UBN2: variants seen among roughly 807,000 people sequenced by gnomAD.
The protein encoded by UBN2 is ubinuclein 2, also known as ubinuclein-2.
UBN2 carries 35 observed loss-of-function variants against 120.2 expected under a neutral mutation model. The observed-to-expected ratio is 0.29, with a 90% CI of 0.22 to 0.39. The LOEUF (loss-of-function observed/expected upper bound fraction) is 0.39, where lower values mean the gene tolerates loss of function less well. UBN2 is among the 10% of genes least tolerant of loss of function. The probability of loss-of-function intolerance (pLI) is 1.00; values close to 1 mark genes in which losing one functional copy is unlikely to be tolerated. For missense variants in UBN2, 1,693 were observed against 1,663.2 expected (o/e 1.02, Z -0.31); for synonymous variants, 661 against 648.7 (o/e 1.02, Z -0.29).
At position 139,261,570 on chromosome 7, in the gene UBN2, C is replaced by T. The variant is rs377072849; in HGVS notation, c.1224C>T (p.Phe408=). 1.6e-4 allele frequency: 266 copies of T among 1,614,132 alleles called. No homozygotes were observed. The African/African-American group carries it at 2.7e-3, about 17-fold the overall frequency. Residue 408 remains phenylalanine, a synonymous_variant, in exon 6 of 18, where the codon TTC becomes TTT. Transcript: ENST00000473989. Reference sequence around the variant, plus strand: ...TAGAGATGCTAGATGATTTTGACTTCGACAGATTACTGGATGCTGCTTCTG... The same window carrying T: ...TAGAGATGCTAGATGATTTTGACTTTGACAGATTACTGGATGCTGCTTCTG... ...NALEMLDDFD[F]DRLLDAASDG... is the part of the protein sequence containing the mutation.
rs949328348 is a variant in UBN2, at chr7:139,231,968, C to A, written c.468+16C>A. ...AGAACAACGGGTACAGAAGATTCTTCCCTCCTGCCCCAGACCCCGGGAGCC... is the reference window on the plus strand; with the variant it reads ...AGAACAACGGGTACAGAAGATTCTTACCTCCTGCCCCAGACCCCGGGAGCC... On this transcript the variant is annotated intron_variant, in intron 1 of 17. Coordinates refer to ENST00000473989, the MANE Select transcript of UBN2 (RefSeq NM_173569.4). 1.3e-6 allele frequency: 2 copies of A among 1,570,730 alleles called. No homozygotes were observed. Among genetic ancestry groups the A allele is most frequent in the East Asian group, 2.5e-5 (1 of 40,248 alleles).
chr7:139,317,779 C>T, the UBN2 span, among the ~76,000 whole-genome samples: 1 of 152,108 alleles, frequency 6.6e-6, no homozygotes, highest in Non-Finnish European at 1.5e-5. Context: ...TCTCCTGCCT[C>T]AGCCTCCCAA....
chr7:139,307,681 T>G lies in UBN2; in HGVS notation c.*9845T>G, dbSNP rs1001873546. 2 of 152,134 alleles carry G rather than the reference T, an allele frequency of 1.3e-5. No individual in the cohort carries two copies. The highest frequency in any genetic ancestry group is 2.9e-5 in the Non-Finnish European group (2 of 68,034). 9.4% of individuals were successfully genotyped at this position (152,134 alleles called of 1,614,324 possible). On this transcript the variant is annotated 3_prime_UTR_variant, in exon 18 of 18. Coordinates refer to ENST00000473989, the MANE Select transcript of UBN2 (RefSeq NM_173569.4). Reference sequence around the variant, plus strand: ...ACTGAGCCGAGGTATTTCCATTTGGTTAACTAAACGCTAGCTACCAGGAAA... The same window carrying G: ...ACTGAGCCGAGGTATTTCCATTTGGGTAACTAAACGCTAGCTACCAGGAAA...
Position 139,305,915 on chromosome 7 carries a change from C to A in UBN2, c.*8079C>A, listed in dbSNP as rs189024371. On this transcript the variant is annotated 3_prime_UTR_variant, in exon 18 of 18. Transcript: ENST00000473989. ...GTCTGCCTTGCTTATTTTCATACTC[C>A]CCCTGAAATAAGCCTACTTTTGCAA... is the stretch of plus-strand genomic sequence containing the variant. The A allele has an allele frequency of 3.3e-5, 5 of 152,196 alleles. No individual in the cohort carries two copies. Among genetic ancestry groups the A allele is most frequent in the African/African-American group, 1.2e-4 (5 of 41,524 alleles). 9.4% of individuals were successfully genotyped at this position (152,196 alleles called of 1,614,324 possible).
intron 6 of UBN2, among the ~76,000 whole-genome samples, chr7:139,264,778 C>T (rs1423760272): frequency 1.3e-5 from 2 of 152,036 alleles, no homozygotes; most frequent in East Asian, 1.9e-4. Context: ...TTAGTAGAGA[C>T]GGGGTTTCAC....
At chr7:139,287,138 C>T (rs1216512389) in intron 15 of UBN2, among the ~76,000 whole-genome samples, 2 of 152,070 alleles carry the variant, frequency 1.3e-5, no homozygotes, top group African/African-American at 2.4e-5. Flanking sequence ...TGGAGTTAGT[C>T]TGCATTACTG....
chr7:139,311,630 T>C (rs1798449673), downstream of UBN2, among the ~76,000 whole-genome samples: 1 of 152,254 alleles, frequency 6.6e-6, no homozygotes, highest in Non-Finnish European at 1.5e-5. Flanking sequence ...GTGGCTACTA[T>C]TATTCTGTCT....
At chr7:139,309,720 A>T (rs1306629829), downstream of UBN2, among the ~76,000 whole-genome samples, 7 of 152,186 alleles carry the variant, frequency 4.6e-5, no homozygotes, top group Non-Finnish European at 7.3e-5. Flanking sequence ...AAAAATACAA[A>T]ATTAGCTGGG....
At position 139,289,414 on chromosome 7, in the gene UBN2, CT is replaced by C. The variant is rs1161484759; in HGVS notation, c.3670-3802del. ...ATTGCCCTCCCTAATTTACATTTTG[CT>C]TTTTTTTTTTTTTTTGAGACAGGGT... On this transcript the variant is annotated intron_variant, in intron 15 of 17. Coordinates refer to ENST00000473989, the MANE Select transcript of UBN2 (RefSeq NM_173569.4). Among the ~76,000 whole-genome samples, 612 of 125,682 alleles carry C rather than the reference CT, an allele frequency of 4.9e-3. 5 individuals carry two copies. Among genetic ancestry groups the C allele is most frequent in the African/African-American group, 7.6e-3 (244 of 32,174 alleles). 82.5% of individuals were successfully genotyped at this position (125,682 alleles called of 152,430 possible). A position where few individuals can be genotyped will look rare whatever the true frequency, so the allele number is the denominator to read the frequency against.
downstream of UBN2, among the ~76,000 whole-genome samples, chr7:139,309,151 G>T (rs184051275): frequency 1.3e-5 from 2 of 152,234 alleles, no homozygotes; most frequent in African/African-American, 4.8e-5. Flanking sequence ...GAATATAAGT[G>T]TACGTGTGAT....
rs143808416 is a variant in UBN2 at position 139,242,943 on chromosome 7, C to T, written c.561+5846C>T. Among the ~76,000 whole-genome samples the T allele has an allele frequency of 3.9e-5, 6 of 152,230 alleles. No individual in the cohort carries two copies. The East Asian group carries it at 5.8e-4, about 15-fold the overall frequency. Reference sequence around the variant, plus strand: ...CTGGGACAAGTAGGGAGTCTTGTGACGACAGGATGTTTTCTTCTCACTTAT... The same window carrying T: ...CTGGGACAAGTAGGGAGTCTTGTGATGACAGGATGTTTTCTTCTCACTTAT... On this transcript the variant is annotated intron_variant, in intron 2 of 17. Transcript: ENST00000473989.
intron 6 of UBN2, among the ~76,000 whole-genome samples, chr7:139,265,831 C>T (rs572808008): frequency 2.0e-5 from 3 of 152,300 alleles, no homozygotes; most frequent in Non-Finnish European, 2.9e-5. Flanking sequence ...CCTAGAGCCT[C>T]TGGAGGGACC....
chr7:139,280,592 C>T (rs1265104035), intron 13 of UBN2, among the ~76,000 whole-genome samples: 1 of 151,982 alleles, frequency 6.6e-6, no homozygotes, highest in Non-Finnish European at 1.5e-5. Context: ...GCCTTCCTGA[C>T]TTTTTTGGTG....
chr7:139,248,973 GTATGTATA>G (rs2130953840), intron 2 of UBN2, among the ~76,000 whole-genome samples: 1 of 151,894 alleles, frequency 6.6e-6, no homozygotes, highest in South Asian at 2.1e-4. Flanking sequence ...TGGGTATGTT[GTATGTATA>G]TATGTGTATA....
At chr7:139,280,732 G>T (rs1797584018) in intron 13 of UBN2, among the ~76,000 whole-genome samples, 1 of 152,118 alleles carries the variant, frequency 6.6e-6, no homozygotes, top group Non-Finnish European at 1.5e-5. Flanking sequence ...TGCAACCTCT[G>T]CCTCACAGGT....
At chr7:139,232,965 C>T (rs1166015539) in intron 1 of UBN2, among the ~76,000 whole-genome samples, 2 of 152,112 alleles carry the variant, frequency 1.3e-5, no homozygotes, top group African/African-American at 4.8e-5. Context: ...GAACAGTTTT[C>T]TCTGTTGCTT....
At chr7:139,316,779 G>GTA in the UBN2 span, among the ~76,000 whole-genome samples, 28 of 151,728 alleles carry the variant, frequency 1.8e-4, no homozygotes, top group African/African-American at 5.8e-4. Context: ...GTGTGTGTGT[G>GTA]TATATATATA....
chr7:139,252,399 G>A (rs1018068786), intron 3 of UBN2, among the ~76,000 whole-genome samples: 1 of 152,116 alleles, frequency 6.6e-6, no homozygotes, highest in South Asian at 2.1e-4. Context: ...TGTAGCATGA[G>A]AGCAGCCATA....
At chr7:139,274,105 T>G (rs1797368651) in intron 11 of UBN2, 31 bp downstream of exon 11, 2 of 1,552,716 alleles carry the variant, frequency 1.3e-6, no homozygotes, top group Non-Finnish European at 1.7e-6. Context: ...GATTTTATTT[T>G]ATTTTATTAT....
Sources: gnomAD v4.1 joint callset for allele counts (sites outside exome capture counted in the v4.1 genomes callset) on GRCh38, gnomAD v4.1.1 for gene constraint, MANE v1.5 for transcripts, NCBI Gene and HGNC (gene_info 2026-07-23, HGNC 2026-07-21) for gene names.